The following NCEH1 variants were observed in gnomAD, a reference collection of about 807,000 sequenced individuals.
NCEH1 encodes 2-acetyl MAGE hydrolase.
NCEH1 carries 9 observed loss-of-function variants against 25.4 expected under a neutral mutation model. The ratio of observed to expected loss-of-function variants is 0.35; its 90% CI spans 0.21 to 0.62. NCEH1 has a LOEUF of 0.62. Ranked by LOEUF, NCEH1 falls within the 20% of genes least tolerant of loss-of-function variation. NCEH1 has a pLI of 0.72. For synonymous variants in NCEH1, 200 were observed against 199.8 expected, an observed-to-expected ratio of 1.00 and a Z score of -0.01; for missense variants, 412 against 501.1, an observed-to-expected ratio of 0.82 and a Z score of 1.70.
intron 1 of NCEH1, among the ~76,000 whole-genome samples, chr3:172,684,689 C>T (rs1319738428): frequency 6.6e-6 from 1 of 152,112 alleles, no homozygotes; most frequent in Non-Finnish European, 1.5e-5. Context: ...CATTAAACAC[C>T]CATCTTTTGG....
chr3:172,634,871 C>T (rs904634479), intron 4 of NCEH1, among the ~76,000 whole-genome samples: 2 of 152,212 alleles, frequency 1.3e-5, no homozygotes, highest in African/African-American at 2.4e-5. Flanking sequence ...CTGCTTCATA[C>T]TTGGACTTTA....
chr3:172,689,266 T>TTG (rs1712885837), intron 1 of NCEH1, among the ~76,000 whole-genome samples: 1 of 147,288 alleles, frequency 6.8e-6, no homozygotes, highest in African/African-American at 2.5e-5. Context: ...TTTTTTTTTT[T>TTG]TTTTTTTTTG....
chr3:172,698,300 T>G (rs1713488525), intron 1 of NCEH1, among the ~76,000 whole-genome samples: 1 of 152,072 alleles, frequency 6.6e-6, no homozygotes. Flanking sequence ...TTGACTTGCT[T>G]TGCTAAGAAA....
chr3:172,656,608 ATACAAAAAT>A (rs1444009851), intron 1 of NCEH1, among the ~76,000 whole-genome samples: 28 of 152,176 alleles, frequency 1.8e-4, no homozygotes, highest in African/African-American at 5.8e-4. Context: ...GTACTAAAAA[ATACAAAAAT>A]TAGCCTGGCG....
chr3:172,688,163 C>T (rs1007460010), intron 1 of NCEH1, among the ~76,000 whole-genome samples: 4 of 151,542 alleles, frequency 2.6e-5, no homozygotes, highest in African/African-American at 7.3e-5. Context: ...GGTGAAACCC[C>T]GTCTCTACTA....
In NCEH1 at chr3:172,633,780, C is replaced by T. The variant is rs1716478268; in HGVS notation, c.922G>A (p.Gly308Ser). The change falls in exon 5 of 5, where the codon GGC becomes AGC. Residue 308 changes from glycine to serine, a missense_variant. By Grantham distance (56) the Gly-to-Ser change is moderately conservative (BLOSUM62 0). Transcript: ENST00000475381. The stretch of plus-strand genomic sequence containing the variant: ...AGCTCCTGGACAATCCTGGCATTGC[C>T]TGTGGTCTGTACAACAGGCTTGTAG... ...KNYKPVVQTT[G>S]NARIVQELPQ... 8 of 1,614,116 alleles carry T rather than the reference C, an allele frequency of 5.0e-6. No individual in the cohort carries two copies. The highest frequency in any genetic ancestry group is 6.8e-6 in the Non-Finnish European group (8 of 1,180,058).
At chr3:172,641,134 T>TA (rs530600607) in intron 3 of NCEH1, among the ~76,000 whole-genome samples, 10 of 151,850 alleles carry the variant, frequency 6.6e-5, no homozygotes, top group South Asian at 6.2e-4. Flanking sequence ...AAACTAGAGG[T>TA]AAAAAAATAC....
At position 172,649,078 on chromosome 3, in the gene NCEH1, C is replaced by T. The variant is rs1560183988; in HGVS notation, c.139-964G>A. On this transcript the variant is annotated intron_variant, in intron 1 of 4. Coordinates refer to ENST00000475381, the MANE Select transcript of NCEH1 (RefSeq NM_020792.6). ...CTATATGATGTCTGCGATGTGGCAC[C>T]TTACAGCTTCTCAGGCTGTGCACAG... Among the ~76,000 whole-genome samples the T allele has an allele frequency of 2.6e-5, 4 of 152,252 alleles. No homozygotes were observed. The South Asian group carries it at 6.2e-4, about 24-fold the overall frequency.
chr3:172,675,542 T>C (rs1711947193), intron 1 of NCEH1, among the ~76,000 whole-genome samples: 1 of 152,044 alleles, frequency 6.6e-6, no homozygotes, highest in Non-Finnish European at 1.5e-5. Flanking sequence ...AAAATGTATG[T>C]TGTAAGAGAG....
rs766022766 is a variant in NCEH1 at position 172,649,257 on chromosome 3, CAT to C, written c.139-1145_139-1144del. Among the ~76,000 whole-genome samples the C allele has an allele frequency of 7.0e-3, 1,068 of 151,972 alleles. 13 individuals carry two copies. The highest frequency in any genetic ancestry group is 0.025 in the African/African-American group (1,019 of 41,448). On this transcript the variant is annotated intron_variant, in intron 1 of 4. Transcript: ENST00000475381. The stretch of plus-strand genomic sequence containing the variant: ...ATACATATATATATATACACACACA[CAT>C]ATATATATGTCCTGTCCTGTCATGA...
At chr3:172,686,362 A>T (rs370167990) in intron 1 of NCEH1, among the ~76,000 whole-genome samples, 1 of 152,112 alleles carries the variant, frequency 6.6e-6, no homozygotes, top group Admixed American at 6.5e-5. Context: ...CAAATACCCA[A>T]CACTTCACCT....
rs147877494 is a variant in NCEH1, at chr3:172,709,031, G to C, written c.138+1816C>G. On this transcript the variant is annotated intron_variant, in intron 1 of 4. Transcript: ENST00000475381. ...CATTTTTCTGCAAATCCACTCCTGA[G>C]CCACAGTGTCAGGTGAGAACACTGG... Among the ~76,000 whole-genome samples the C allele has an allele frequency of 3.1e-3, 469 of 152,288 alleles. 3 individuals are homozygous for C. Among genetic ancestry groups the C allele is most frequent in the Non-Finnish European group, 5.1e-3 (346 of 68,030 alleles).
At chr3:172,654,151 G>A (rs1717586215) in intron 1 of NCEH1, among the ~76,000 whole-genome samples, 1 of 152,298 alleles carries the variant, frequency 6.6e-6, no homozygotes, top group East Asian at 1.9e-4. Context: ...CAATCTAAAG[G>A]AGGCATGCGC....
chr3:172,634,775 T>C (rs920384051), intron 4 of NCEH1, among the ~76,000 whole-genome samples: 1 of 152,322 alleles, frequency 6.6e-6, no homozygotes, highest in South Asian at 2.1e-4. Flanking sequence ...TATATATTTG[T>C]CGTGTAACAT....
chr3:172,674,764 A>G (rs140966960), intron 1 of NCEH1, among the ~76,000 whole-genome samples: 320 of 152,352 alleles, frequency 2.1e-3, no homozygotes, highest in African/African-American at 7.4e-3. Context: ...GGCACCCACA[A>G]TGTGGAATTC....
chr3:172,667,298 C>A (rs1196511640), intron 1 of NCEH1, among the ~76,000 whole-genome samples: 1 of 152,200 alleles, frequency 6.6e-6, no homozygotes, highest in Non-Finnish European at 1.5e-5. Flanking sequence ...CGGAAGTTAA[C>A]CAGAACCATT....
chr3:172,675,099 C>T (rs1711890943), intron 1 of NCEH1, among the ~76,000 whole-genome samples: 1 of 152,222 alleles, frequency 6.6e-6, no homozygotes, highest in African/African-American at 2.4e-5. Flanking sequence ...CACTTGAGAT[C>T]AGGAGTTCGA....
intron 3 of NCEH1, among the ~76,000 whole-genome samples, chr3:172,637,392 T>C (rs566761193): frequency 6.6e-6 from 1 of 152,372 alleles, no homozygotes; most frequent in South Asian, 2.1e-4. Context: ...ATTAGCATAC[T>C]TATTTTCACA....
At chr3:172,660,358 C>T (rs530780332) in intron 1 of NCEH1, among the ~76,000 whole-genome samples, 11 of 152,296 alleles carry the variant, frequency 7.2e-5, no homozygotes, top group Non-Finnish European at 1.5e-4. Flanking sequence ...GCCACATTTT[C>T]TTAATCCAGT....
Sources: allele counts gnomAD v4.1 joint callset (sites outside exome capture counted in the v4.1 genomes callset), GRCh38; gene constraint gnomAD v4.1.1; transcripts MANE v1.5; gene names NCBI Gene and HGNC (gene_info 2026-07-23, HGNC 2026-07-21).